The following ACY3 variants were observed in gnomAD, a reference collection of about 807,000 sequenced individuals.
ACY3 encodes the protein aminoacylase 3.
In ACY3, 20 loss-of-function variants were observed where a neutral mutation model predicts 24.6. That is an observed-to-expected ratio of 0.81 (90% confidence interval 0.57 to 1.18). The LOEUF (loss-of-function observed/expected upper bound fraction) is 1.18. ACY3 is among the 50% of genes most tolerant of loss of function. The pLI, the probability that ACY3 is intolerant of heterozygous loss-of-function variation, is 0.00. For synonymous variants in ACY3, 174 were observed against 188.4 expected (o/e 0.92, Z 0.62); for missense variants, 423 against 426.8 (o/e 0.99, Z 0.08).
chr11:67,648,826 TC>T (rs1420521415), intron 1 of ACY3, among the ~76,000 whole-genome samples: 3 of 152,172 alleles, frequency 2.0e-5, no homozygotes, highest in African/African-American at 7.2e-5. Flanking sequence ...GGATTTGTCA[TC>T]CTGGCTCCCA....
In ACY3 at chr11:67,642,627, G is replaced by T; in HGVS notation, c.*97C>A. On this transcript the variant is annotated 3_prime_UTR_variant, in exon 8 of 8. Transcript: ENST00000255082. The stretch of plus-strand genomic sequence containing the variant: ...GGGGAGGCCTGGCAAGGAACATGGT[G>T]CATGGTAGGTGGCAGAAGGGACCTC... 7.7e-7 allele frequency: 1 copy of T among 1,297,256 alleles called. No homozygotes were observed. The highest frequency in any genetic ancestry group is 1.1e-6 in the Non-Finnish European group (1 of 895,784). The allele number at this position is 1,297,256 out of a possible 1,614,324, so 80.4% of individuals were successfully genotyped here. A position where few individuals can be genotyped will look rare whatever the true frequency, so the allele number is the denominator to read the frequency against.
intron 1 of ACY3, among the ~76,000 whole-genome samples, chr11:67,649,843 T>C (rs1855592704): frequency 6.7e-6 from 1 of 150,194 alleles, no homozygotes; most frequent in Non-Finnish European, 1.5e-5. Context: ...TGTACATGTG[T>C]GCGTGTGTGC....
At chr11:67,645,501 C>G in intron 4 of ACY3, 121 bp from the exon 5 acceptor site, 1 of 1,269,758 alleles carries the variant, frequency 7.9e-7, no homozygotes, top group Non-Finnish European at 1.1e-6. Context: ...TCCCTCTACC[C>G]TCTGGCAGGG....
In ACY3 at chr11:67,642,658, T is replaced by C. The variant is rs112020666; in HGVS notation, c.*66A>G. On this transcript the variant is annotated 3_prime_UTR_variant, in exon 8 of 8. Transcript: ENST00000255082. ...TAGGTGGCAGAAGGGACCTCTGTGCTCAGAGCTGTGCCTCAGGACCCATCG... is the reference window on the plus strand; with the variant it reads ...TAGGTGGCAGAAGGGACCTCTGTGCCCAGAGCTGTGCCTCAGGACCCATCG... 11 of 1,552,524 alleles carry C rather than the reference T, an allele frequency of 7.1e-6. No homozygotes were observed. The African/African-American group carries it at 9.5e-5, about 13-fold the overall frequency.
At chr11:67,649,935 T>A (rs892803426) in intron 1 of ACY3, among the ~76,000 whole-genome samples, 2 of 133,512 alleles carry the variant, frequency 1.5e-5, no homozygotes, top group Non-Finnish European at 2.9e-5. Context: ...CATGTGTGCG[T>A]GTGTGTGTGT....
At chr11:67,646,035 C>T (rs1855510848) in intron 3 of ACY3, 148 bp from the exon 4 acceptor site, 1 of 777,498 alleles carries the variant, frequency 1.3e-6, no homozygotes, top group Non-Finnish European at 2.0e-6. Context: ...TGTGTCCACC[C>T]CTGCCCGTGG....
rs758182230 is a variant in ACY3 at position 67,644,731 on chromosome 11, A to C, written c.744+29T>G. On this transcript the variant is annotated intron_variant, in intron 7 of 7. Transcript: ENST00000255082. ...GCTGTGGCCCCAGAAATCACCCCCC[A>C]CCACACACACACACACACACACACA... The C allele has an allele frequency of 3.9e-4, 400 of 1,031,922 alleles. 2 individuals are homozygous for C. In the East Asian group the frequency reaches 0.011, roughly 29 times the overall value. The allele number at this position is 1,031,922 out of a possible 1,614,324, so 63.9% of individuals were successfully genotyped here. A position where few individuals can be genotyped will look rare whatever the true frequency, so the allele number is the denominator to read the frequency against.
At position 67,645,287 on chromosome 11, in the gene ACY3, C is replaced by T; in HGVS notation, c.526G>A (p.Gly176Ser). 2 of 1,613,580 alleles carry T rather than the reference C, an allele frequency of 1.2e-6. No homozygotes were observed. The highest frequency in any genetic ancestry group is 1.7e-6 in the Non-Finnish European group (2 of 1,179,964). ...CACTTCTCAGAAGGCTGCGGCCCAC[C>T]CAGTCCATTTTTGGCCACAGAGTCC... ...NLDSVAKNGL[G>S]LELGPQPQGV... Residue 176 changes from glycine to serine, a missense_variant and splice_region_variant, in exon 5 of 8, where the codon GGT (glycine) becomes AGT (serine). Physicochemically the swap from Gly to Ser is moderately conservative, Grantham distance 56. Transcript: ENST00000255082.
chr11:67,644,886 G>C lies in ACY3; in HGVS notation c.635-17C>G. The C allele has an allele frequency of 6.2e-7, 1 of 1,609,310 alleles. No individual in the cohort carries two copies. ...AGGCCGTACCTGTGTGGGAGGCTGG[G>C]TGTGTGAGCCCATCCCTCCCTCCAG... is the stretch of plus-strand genomic sequence containing the variant. On this transcript the variant is annotated splice_polypyrimidine_tract_variant and intron_variant, in intron 6 of 7. Coordinates refer to ENST00000255082, the MANE Select transcript of ACY3 (RefSeq NM_080658.2).
intron 2 of ACY3, 31 bp from the exon 3 acceptor site, chr11:67,647,094 C>T (rs1855533074): frequency 1.4e-6 from 2 of 1,413,500 alleles, no homozygotes; most frequent in South Asian, 1.4e-5. Context: ...GAGACCCTGG[C>T]CCCGATGCAA....
rs868003393 is a variant in ACY3 at position 67,643,944 on chromosome 11, G to C, written c.744+816C>G. Among the ~76,000 whole-genome samples the C allele has an allele frequency of 2.0e-5, 3 of 150,738 alleles. No individual in the cohort carries two copies. In the South Asian group the frequency reaches 6.3e-4, roughly 32 times the overall value. ...CAGGAGGCAGATGTCACAGTGAGTTGAGATCGCACCACTGCACTCTAGCCT... is the reference window on the plus strand; with the variant it reads ...CAGGAGGCAGATGTCACAGTGAGTTCAGATCGCACCACTGCACTCTAGCCT... On this transcript the variant is annotated intron_variant, in intron 7 of 7. Coordinates refer to ENST00000255082, the MANE Select transcript of ACY3 (RefSeq NM_080658.2).
intron 7 of ACY3, among the ~76,000 whole-genome samples, chr11:67,643,256 T>C (rs1855442861): frequency 6.6e-6 from 1 of 152,270 alleles, no homozygotes; most frequent in South Asian, 2.1e-4. Flanking sequence ...TTAACCTCTG[T>C]TTCTCAGCTT....
chr11:67,649,784 T>C (rs1029984730), intron 1 of ACY3, among the ~76,000 whole-genome samples: 6 of 149,222 alleles, frequency 4.0e-5, no homozygotes, highest in Admixed American at 4.0e-4. Flanking sequence ...CGTGTGTACG[T>C]GTGTGCATGT....
intron 1 of ACY3, among the ~76,000 whole-genome samples, chr11:67,648,484 G>C (rs117523325): frequency 6.6e-6 from 1 of 152,130 alleles, no homozygotes; most frequent in Non-Finnish European, 1.5e-5. Context: ...CTGCTGGGAG[G>C]AGCTGAGGCC....
At chr11:67,649,610 G>A (rs1345345015) in intron 1 of ACY3, among the ~76,000 whole-genome samples, 2 of 151,732 alleles carry the variant, frequency 1.3e-5, no homozygotes, top group Admixed American at 6.6e-5. Flanking sequence ...GTGCGTGTGT[G>A]CACTCACATG....
At chr11:67,644,732 C>CCACACACACA (rs3223257) in intron 7 of ACY3, 28 bp downstream of exon 7, 18 of 1,317,622 alleles carry the variant, frequency 1.4e-5, no homozygotes, top group South Asian at 8.1e-5. Context: ...TCACCCCCCA[C>CCACACACACA]CACACACACA....
chr11:67,646,797 A>G lies in ACY3; in HGVS notation c.236+11T>C. ...AACTGCCTGGGCCAACCTGGCGGCA[A>G]AAGCACTCACTTGAGGAAGCTGCTG... On this transcript the variant is annotated intron_variant, in intron 3 of 7. Coordinates refer to ENST00000255082, the MANE Select transcript of ACY3 (RefSeq NM_080658.2). The G allele has an allele frequency of 6.2e-7, 1 of 1,611,754 alleles. No individual in the cohort carries two copies. Among genetic ancestry groups the G allele is most frequent in the East Asian group, 2.2e-5 (1 of 44,840 alleles).
intron 5 of ACY3, 23 bp from the exon 6 acceptor site, chr11:67,645,175 T>C (rs766217141): frequency 6.2e-7 from 1 of 1,608,086 alleles, no homozygotes; most frequent in Admixed American, 1.7e-5. Context: ...AAGCAAGGGG[T>C]TAGGCAGGTG....
At chr11:67,644,732 CCA>C (rs3223257) in intron 7 of ACY3, 26 bp downstream of exon 7, 126,219 of 1,293,748 alleles carry the variant, frequency 0.098, 1,626 homozygotes, top group African/African-American at 0.16. Context: ...TCACCCCCCA[CCA>C]CACACACACA....
Sources: gnomAD v4.1 joint callset for allele counts (sites outside exome capture counted in the v4.1 genomes callset) on GRCh38, gnomAD v4.1.1 for gene constraint, MANE v1.5 for transcripts, NCBI Gene and HGNC (gene_info 2026-07-23, HGNC 2026-07-21) for gene names.